The following AGBL4 variants were observed in gnomAD, a reference collection of about 807,000 sequenced individuals.
AGBL4 encodes the protein AGBL carboxypeptidase 4, also known as cytosolic carboxypeptidase 6.
Under a neutral mutation model 66.4 loss-of-function variants are expected in AGBL4, and 58 were observed. That is an observed-to-expected ratio of 0.87 (90% CI 0.71 to 1.09). AGBL4 has a LOEUF of 1.09. AGBL4 is among the 50% of genes least tolerant of loss of function. The probability of loss-of-function intolerance (pLI) is 0.00; values close to 1 mark genes in which losing one functional copy is unlikely to be tolerated. For synonymous variants in AGBL4, 234 were observed against 222.9 expected (o/e 1.05, Z -0.44); for missense variants, 579 against 631.0 (o/e 0.92, Z 0.88).
chr1:48,879,476 A>C (rs1051556800), intron 5 of AGBL4, among the ~76,000 whole-genome samples: 1 of 152,234 alleles, frequency 6.6e-6, no homozygotes, highest in Non-Finnish European at 1.5e-5. Flanking sequence ...TGTATAGACA[A>C]GAATTAGAAA....
At chr1:48,726,414 G>A (rs1647278045) in intron 6 of AGBL4, among the ~76,000 whole-genome samples, 1 of 152,120 alleles carries the variant, frequency 6.6e-6, no homozygotes, top group African/African-American at 2.4e-5. Context: ...GCCCTTAAAT[G>A]AACATATCTT....
chr1:49,907,364 T>C (rs1449116621), intron 1 of AGBL4, among the ~76,000 whole-genome samples: 1 of 152,178 alleles, frequency 6.6e-6, no homozygotes, highest in Non-Finnish European at 1.5e-5. Flanking sequence ...AATATAGTTT[T>C]ATCTGTAGGA....
In AGBL4 at chr1:48,658,656, T is replaced by C. The variant is rs1646057516; in HGVS notation, c.724+4496A>G. 2.6e-5 allele frequency among the ~76,000 whole-genome samples: 4 copies of C among 152,092 alleles called. 1 individual carries two copies. In the South Asian group the frequency reaches 8.3e-4, roughly 32 times the overall value. ...CCCCGTCACAAACGCTTAGTGGATC[T>C]AGCACCACACCTATAGTGGGAAGCT... On this transcript the variant is annotated intron_variant, in intron 7 of 13. Coordinates refer to ENST00000371839, the MANE Select transcript of AGBL4 (RefSeq NM_032785.4).
chr1:49,314,539 T>C (rs189868614), intron 3 of AGBL4, among the ~76,000 whole-genome samples: 4 of 152,126 alleles, frequency 2.6e-5, no homozygotes, highest in African/African-American at 4.8e-5. Context: ...GCTCCATCCA[T>C]GTCCCTGCAA....
At chr1:49,588,152 T>G (rs1644685302) in intron 3 of AGBL4, among the ~76,000 whole-genome samples, 1 of 152,152 alleles carries the variant, frequency 6.6e-6, no homozygotes, top group African/African-American at 2.4e-5. Flanking sequence ...CTTACAATCT[T>G]ACAGCGTAGA....
chr1:48,957,051 A>G (rs1657509582), intron 5 of AGBL4, among the ~76,000 whole-genome samples: 3 of 152,352 alleles, frequency 2.0e-5, no homozygotes, highest in African/African-American at 4.8e-5. Context: ...ACAAAACACT[A>G]CAAATATGGG....
intron 11 of AGBL4, among the ~76,000 whole-genome samples, chr1:48,556,392 A>G (rs1248461030): frequency 1.3e-5 from 2 of 152,198 alleles, no homozygotes; most frequent in African/African-American, 4.8e-5. Context: ...CACTGTCAGG[A>G]TATAAAACAT....
intron 4 of AGBL4, among the ~76,000 whole-genome samples, chr1:49,077,377 G>A (rs572533908): frequency 2.6e-5 from 4 of 152,124 alleles, no homozygotes; most frequent in South Asian, 2.1e-4. Context: ...CATACAATGC[G>A]TTCTGTGAGA....
At chr1:48,995,774 G>A (rs192966742) in intron 5 of AGBL4, among the ~76,000 whole-genome samples, 27 of 152,274 alleles carry the variant, frequency 1.8e-4, no homozygotes, top group Admixed American at 1.4e-3. Context: ...CTGAGTGGAA[G>A]GGGAAAAAGT....
chr1:49,757,866 G>A (rs545347071), intron 2 of AGBL4, among the ~76,000 whole-genome samples: 2 of 152,296 alleles, frequency 1.3e-5, no homozygotes, highest in Non-Finnish European at 2.9e-5. Flanking sequence ...AAAAATTCAA[G>A]CAGTCTGCAG....
intron 6 of AGBL4, among the ~76,000 whole-genome samples, chr1:48,713,207 A>G (rs1400943593): frequency 6.6e-6 from 1 of 152,190 alleles, no homozygotes; most frequent in East Asian, 1.9e-4. Context: ...GCCCTGATTG[A>G]TGGCAACCCA....
chr1:48,926,575 C>T (rs946630776), intron 5 of AGBL4, among the ~76,000 whole-genome samples: 84 of 152,058 alleles, frequency 5.5e-4, no homozygotes, highest in Middle Eastern at 3.4e-3. Context: ...AGGTATGAGG[C>T]GTCACACCGG....
chr1:49,958,044 G>T (rs1656784975), intron 1 of AGBL4, among the ~76,000 whole-genome samples: 1 of 151,876 alleles, frequency 6.6e-6, no homozygotes. Flanking sequence ...AGCTCTTGTA[G>T]GGCAGGCCTG....
chr1:49,989,670 AGTT>A (rs1429716695), intron 1 of AGBL4, among the ~76,000 whole-genome samples: 1 of 152,164 alleles, frequency 6.6e-6, no homozygotes, highest in African/African-American at 2.4e-5. Context: ...TTTTAAATCA[AGTT>A]GTTGTTTGAC....
intron 1 of AGBL4, among the ~76,000 whole-genome samples, chr1:49,859,322 G>C (rs1271954514): frequency 6.6e-6 from 1 of 152,136 alleles, no homozygotes; most frequent in Non-Finnish European, 1.5e-5. Flanking sequence ...TCTGAACATA[G>C]ACTCAAAATT....
chr1:49,004,745 G>A (rs1661648894), intron 5 of AGBL4, among the ~76,000 whole-genome samples: 1 of 152,174 alleles, frequency 6.6e-6, no homozygotes, highest in South Asian at 2.1e-4. Context: ...TGAAGTAAGG[G>A]GGACATTTGA....
chr1:49,950,870 G>A (rs778972198), intron 1 of AGBL4, among the ~76,000 whole-genome samples: 6 of 151,754 alleles, frequency 4.0e-5, no homozygotes, highest in South Asian at 4.1e-4. Flanking sequence ...AAGAAAATGC[G>A]AAAATGTAGT....
At chr1:49,198,760 T>C (rs926884600) in intron 4 of AGBL4, among the ~76,000 whole-genome samples, 6 of 152,028 alleles carry the variant, frequency 3.9e-5, no homozygotes, top group African/African-American at 1.4e-4. Context: ...TTTTTTTTTC[T>C]AGTTACCTGA....
chr1:48,750,208 A>G (rs1329484214), intron 6 of AGBL4, among the ~76,000 whole-genome samples: 2 of 152,160 alleles, frequency 1.3e-5, no homozygotes, highest in African/African-American at 4.8e-5. Context: ...TCAGGAGTTG[A>G]AGGACTGCAC....
Sources: allele counts gnomAD v4.1 joint callset (sites outside exome capture counted in the v4.1 genomes callset), GRCh38; gene constraint gnomAD v4.1.1; transcripts MANE v1.5; gene names NCBI Gene and HGNC (gene_info 2026-07-23, HGNC 2026-07-21).